Variants in JMY observed in about 807,000 individuals in gnomAD.
JMY encodes junction mediating and regulatory protein, p53 cofactor, also known as junction-mediating and -regulatory protein.
In JMY, 46 loss-of-function variants were observed where a neutral mutation model predicts 103.3. That is an observed-to-expected ratio of 0.45 (90% CI 0.35 to 0.57). JMY has a LOEUF of 0.57. Ranked by LOEUF, JMY falls within the 20% of genes least tolerant of loss-of-function variation. JMY has a pLI of 0.00. For missense variants in JMY, 1,238 were observed against 1,255.2 expected, an observed-to-expected ratio of 0.99 and a Z score of 0.21; for synonymous variants, 526 against 489.3, an observed-to-expected ratio of 1.07 and a Z score of -0.99.
intron 1 of JMY, among the ~76,000 whole-genome samples, chr5:79,243,178 AG>A (rs1744792340): frequency 6.6e-6 from 1 of 151,772 alleles, no homozygotes; most frequent in Non-Finnish European, 1.5e-5. Flanking sequence ...TGAAGGGGCA[AG>A]GGGCAAGGAG....
intron 2 of JMY, among the ~76,000 whole-genome samples, chr5:79,279,873 C>T (rs1424451285): frequency 1.3e-5 from 2 of 151,898 alleles, no homozygotes; most frequent in East Asian, 1.9e-4. Context: ...TTTGAGACAG[C>T]GTCTTTGTCA....
At chr5:79,261,987 A>G (rs1442972443) in intron 1 of JMY, among the ~76,000 whole-genome samples, 1 of 152,140 alleles carries the variant, frequency 6.6e-6, no homozygotes, top group Non-Finnish European at 1.5e-5. Flanking sequence ...CCTACAAGAG[A>G]TATGTCAGAT....
Position 79,316,083 on chromosome 5 carries a change from C to T in JMY, c.2743C>T (p.Pro915Ser), listed in dbSNP as rs994418695. The T allele has an allele frequency of 2.5e-6, 4 of 1,614,016 alleles. No individual in the cohort carries two copies. In the African/African-American group the frequency reaches 4.0e-5, roughly 16 times the overall value. The change falls in exon 10 of 11, where the codon CCT becomes TCT. Residue 915 changes from proline (P) to serine (S), a missense_variant. Physicochemically the swap from Pro to Ser is moderately conservative, Grantham distance 74. Coordinates refer to ENST00000396137, the MANE Select transcript of JMY (RefSeq NM_152405.5). ...AAAGGTTGAACAGCGAACTCTGCCT[C>T]CTTTTCCTGATGAAGATGATAGTAA... is the stretch of plus-strand genomic sequence containing the variant. ...LKKVEQRTLP[P>S]FPDEDDSNNI...
chr5:79,272,642 C>T (rs1745818475), intron 1 of JMY, among the ~76,000 whole-genome samples: 1 of 152,122 alleles, frequency 6.6e-6, no homozygotes, highest in Non-Finnish European at 1.5e-5. Flanking sequence ...ACCACTTCAT[C>T]TCTTTTTAAG....
intron 1 of JMY, among the ~76,000 whole-genome samples, chr5:79,240,431 C>T (rs1744700383): frequency 1.3e-5 from 2 of 152,216 alleles, no homozygotes; most frequent in South Asian, 2.1e-4. Flanking sequence ...CTTGCTCAGC[C>T]TCCCAAGTAG....
chr5:79,260,066 G>A (rs1745374676), intron 1 of JMY, among the ~76,000 whole-genome samples: 1 of 152,206 alleles, frequency 6.6e-6, no homozygotes, highest in Non-Finnish European at 1.5e-5. Context: ...CCATTGCAGT[G>A]TCTCCCAGGA....
At chr5:79,238,650 T>TC (rs1323683968) in intron 1 of JMY, among the ~76,000 whole-genome samples, 1 of 145,094 alleles carries the variant, frequency 6.9e-6, no homozygotes, top group African/African-American at 2.5e-5. Flanking sequence ...CGCGCCTTCT[T>TC]TTTTTTTTTT....
chr5:79,314,940 A>AAAG, intron 9 of JMY, 89 bp downstream of exon 9: 1 of 1,213,900 alleles, frequency 8.2e-7, no homozygotes, highest in South Asian at 1.7e-5. Context: ...AGCTTAAAAC[A>AAAG]CTTTATTTTT....
In JMY at chr5:79,314,640, TCCTCCC is replaced by T; in HGVS notation, c.2457_2462del (p.Pro824_Pro825del). 1 of 453,080 alleles carries T rather than the reference TCCTCCC, an allele frequency of 2.2e-6. No individual in the cohort carries two copies. The highest frequency in any genetic ancestry group is 3.5e-6 in the Non-Finnish European group (1 of 287,184). 28.1% of individuals were successfully genotyped at this position (453,080 alleles called of 1,614,324 possible). A position where few individuals can be genotyped will look rare whatever the true frequency, so the allele number is the denominator to read the frequency against. ...CTCCAACACCACCACCTCCCCCACC[TCCTCCC>T]CCTCCCCCACCACCACCACCTCTGC... On this transcript the variant is annotated inframe_deletion, in exon 9 of 11. Transcript: ENST00000396137.
At chr5:79,250,110 A>G (rs1026869806) in intron 1 of JMY, among the ~76,000 whole-genome samples, 2 of 152,184 alleles carry the variant, frequency 1.3e-5, no homozygotes, top group African/African-American at 4.8e-5. Context: ...TCCTGAAGCA[A>G]CTCATACTGA....
intron 8 of JMY, 30 bp from the exon 9 acceptor site, chr5:79,314,227 A>G (rs751130336): frequency 1.3e-6 from 2 of 1,570,068 alleles, no homozygotes; most frequent in South Asian, 2.4e-5. Flanking sequence ...AATAACATTT[A>G]ACCAGTTCCA....
chr5:79,245,945 C>T (rs555751006), intron 1 of JMY, among the ~76,000 whole-genome samples: 1 of 152,126 alleles, frequency 6.6e-6, no homozygotes, highest in Non-Finnish European at 1.5e-5. Context: ...TTTCCATCTC[C>T]TTGCAGTAAG....
At chr5:79,257,064 T>G (rs761894943) in intron 1 of JMY, among the ~76,000 whole-genome samples, 15 of 151,686 alleles carry the variant, frequency 9.9e-5, no homozygotes, top group South Asian at 2.1e-4. Context: ...ATTATTATTT[T>G]ATTTGATTTT....
intron 10 of JMY, among the ~76,000 whole-genome samples, chr5:79,318,929 G>A (rs1386700209): frequency 6.6e-6 from 1 of 152,112 alleles, no homozygotes; most frequent in Non-Finnish European, 1.5e-5. Context: ...GTTTCCTTCT[G>A]CTGTAGCTTC....
chr5:79,310,876 C>T (rs1271917901), intron 7 of JMY, among the ~76,000 whole-genome samples: 1 of 152,108 alleles, frequency 6.6e-6, no homozygotes, highest in Non-Finnish European at 1.5e-5. Context: ...CATGGTGGCT[C>T]CTGTCTGTAA....
intron 1 of JMY, among the ~76,000 whole-genome samples, chr5:79,274,285 CTTTT>C (rs1273751886): frequency 2.6e-5 from 4 of 151,934 alleles, no homozygotes; most frequent in Non-Finnish European, 5.9e-5. Context: ...GAGTGTATTT[CTTTT>C]ATGTCCAATT....
chr5:79,320,422 T>A (rs1337911116), intron 10 of JMY, among the ~76,000 whole-genome samples: 1 of 151,430 alleles, frequency 6.6e-6, no homozygotes, highest in Non-Finnish European at 1.5e-5. Flanking sequence ...CTCGCTGCAA[T>A]CTCCATCTCC....
chr5:79,243,119 C>T (rs1350106351), intron 1 of JMY, among the ~76,000 whole-genome samples: 4 of 152,020 alleles, frequency 2.6e-5, no homozygotes, highest in African/African-American at 7.2e-5. Context: ...GTTTTTGTAT[C>T]TTAATGGCTA....
At chr5:79,245,245 C>G (rs533378075) in intron 1 of JMY, among the ~76,000 whole-genome samples, 14 of 152,152 alleles carry the variant, frequency 9.2e-5, no homozygotes, top group Non-Finnish European at 1.6e-4. Flanking sequence ...TGGCTAGGGT[C>G]TTAGTTTATT....
Sources: gnomAD v4.1 joint callset for allele counts (sites outside exome capture counted in the v4.1 genomes callset) on GRCh38, gnomAD v4.1.1 for gene constraint, MANE v1.5 for transcripts, NCBI Gene and HGNC (gene_info 2026-07-23, HGNC 2026-07-21) for gene names.